Variants in GPC5 observed in about 807,000 individuals in gnomAD.
The protein encoded by GPC5 is glypican 5.
A neutral mutation model predicts 53.9 loss-of-function variants in GPC5; 47 were observed. That is an observed-to-expected ratio of 0.87 (90% CI 0.69 to 1.11). The LOEUF (loss-of-function observed/expected upper bound fraction) is 1.11, where lower values mean the gene tolerates loss of function less well. Ranked by LOEUF, GPC5 falls within the 50% of genes most tolerant of loss-of-function variation. The probability of loss-of-function intolerance (pLI) is 0.00; values close to 1 mark genes in which losing one functional copy is unlikely to be tolerated. For synonymous variants in GPC5, 286 were observed against 263.3 expected (o/e 1.09, Z -0.84); for missense variants, 748 against 713.1 (o/e 1.05, Z -0.56).
At chr13:92,639,754 A>T (rs997191772) in intron 7 of GPC5, among the ~76,000 whole-genome samples, 1 of 152,234 alleles carries the variant, frequency 6.6e-6, no homozygotes, top group Admixed American at 6.5e-5. Context: ...AGGATATGGT[A>T]AAATGCAGGA....
At chr13:92,281,133 C>G (rs1036480528) in intron 7 of GPC5, among the ~76,000 whole-genome samples, 4 of 152,142 alleles carry the variant, frequency 2.6e-5, no homozygotes, top group Admixed American at 6.5e-5. Context: ...CCCACGCCCA[C>G]GGAGCCTCGC....
At chr13:92,765,786 C>T (rs1875381815) in intron 7 of GPC5, among the ~76,000 whole-genome samples, 1 of 152,106 alleles carries the variant, frequency 6.6e-6, no homozygotes, top group East Asian at 1.9e-4. Context: ...GGTCAGAAAA[C>T]CTTTTAAGGG....
chr13:92,175,873 A>G (rs1413388852), intron 7 of GPC5, among the ~76,000 whole-genome samples: 2 of 152,116 alleles, frequency 1.3e-5, no homozygotes, highest in South Asian at 4.1e-4. Context: ...ATTTAATAGT[A>G]GTTTTCAAAC....
intron 7 of GPC5, among the ~76,000 whole-genome samples, chr13:92,342,360 T>G (rs558518067): frequency 6.6e-6 from 1 of 152,274 alleles, no homozygotes; most frequent in Admixed American, 6.5e-5. Flanking sequence ...TGCTACGGTC[T>G]AAATGTTTGT....
Position 91,398,650 on chromosome 13 carries a change from GGGCGGCGGAGGCGGCGGCGGCGGC to G in GPC5, c.-393_-370del. On this transcript the variant is annotated 5_prime_UTR_variant, in exon 1 of 8. Coordinates refer to ENST00000377067, the MANE Select transcript of GPC5 (RefSeq NM_004466.6). ...CAGGTTAGCTGCTGCGAGCCGAGCC[GGGCGGCGGAGGCGGCGGCGGCGGC>G]GGCAGTGGCGGCAGTGGCGGCAGTG... 6.5e-6 allele frequency: 1 copy of G among 153,752 alleles called. No individual in the cohort carries two copies. The highest frequency in any genetic ancestry group is 1.3e-5 in the Non-Finnish European group (1 of 78,766). 9.5% of individuals were successfully genotyped at this position (153,752 alleles called of 1,614,324 possible). A position where few individuals can be genotyped will look rare whatever the true frequency, so the allele number is the denominator to read the frequency against.
intron 7 of GPC5, among the ~76,000 whole-genome samples, chr13:92,719,678 T>A (rs1403970397): frequency 6.6e-6 from 1 of 152,146 alleles, no homozygotes; most frequent in East Asian, 1.9e-4. Context: ...AAGTCACTCA[T>A]CTTTTTCATT....
At chr13:92,782,084 G>A (rs1594503455) in intron 7 of GPC5, among the ~76,000 whole-genome samples, 1 of 148,960 alleles carries the variant, frequency 6.7e-6, no homozygotes, top group Non-Finnish European at 1.5e-5. Context: ...GGGAAGGGGA[G>A]GGAGAAAGGA....
At chr13:91,414,078 C>A (rs1039696313) in intron 1 of GPC5, among the ~76,000 whole-genome samples, 1 of 152,156 alleles carries the variant, frequency 6.6e-6, no homozygotes, top group Non-Finnish European at 1.5e-5. Context: ...GGTCTAGTTT[C>A]CCCTACTGCC....
intron 5 of GPC5, among the ~76,000 whole-genome samples, chr13:91,877,392 G>A (rs2039215565): frequency 2.0e-5 from 3 of 152,232 alleles, no homozygotes; most frequent in Non-Finnish European, 4.4e-5. Flanking sequence ...CAGGGGCAGA[G>A]CTGCCCAAGA....
At chr13:92,739,345 G>A (rs1889025641) in intron 7 of GPC5, among the ~76,000 whole-genome samples, 1 of 151,998 alleles carries the variant, frequency 6.6e-6, no homozygotes, top group African/African-American at 2.4e-5. Flanking sequence ...TTGACCTAAA[G>A]CCATGAAGAG....
At chr13:92,449,918 C>T (rs74107277) in intron 7 of GPC5, among the ~76,000 whole-genome samples, 4,197 of 152,042 alleles carry the variant, frequency 0.028, 194 homozygotes, top group African/African-American at 0.096. Flanking sequence ...TTAAAAAGCA[C>T]GGCCCCAAAG....
At chr13:92,425,839 T>A (rs190556838) in intron 7 of GPC5, among the ~76,000 whole-genome samples, 38 of 152,258 alleles carry the variant, frequency 2.5e-4, no homozygotes, top group Non-Finnish European at 4.9e-4. Flanking sequence ...TTATATGTTA[T>A]CTTCATTTTA....
chr13:92,587,573 C>G (rs1883578979), intron 7 of GPC5, among the ~76,000 whole-genome samples: 1 of 146,088 alleles, frequency 6.8e-6, no homozygotes, highest in South Asian at 2.1e-4. Context: ...TATGGTACTC[C>G]TGCAGAAGAA....
intron 6 of GPC5, among the ~76,000 whole-genome samples, chr13:91,917,713 A>C (rs9589370): frequency 0.059 from 8,987 of 152,294 alleles, 340 homozygotes; most frequent in African/African-American, 0.1. Flanking sequence ...TCTTTGATAA[A>C]GCATAGAAAG....
rs376399975 is a variant in GPC5, at chr13:92,013,280, C to T, written c.1401+105223C>T. ...TTTATTTAGCAATGGAAATGGCTCTCAGCAGAGAGGGGAGCTGGAGAGGGG... is the reference window on the plus strand; with the variant it reads ...TTTATTTAGCAATGGAAATGGCTCTTAGCAGAGAGGGGAGCTGGAGAGGGG... On this transcript the variant is annotated intron_variant, in intron 6 of 7. Coordinates refer to ENST00000377067, the MANE Select transcript of GPC5 (RefSeq NM_004466.6). Among the ~76,000 whole-genome samples the T allele has an allele frequency of 1.1e-4, 16 of 152,308 alleles. No individual in the cohort carries two copies. In the East Asian group the frequency reaches 2.1e-3, roughly 20 times the overall value.
chr13:92,520,456 G>T (rs1441802064), intron 7 of GPC5, among the ~76,000 whole-genome samples: 1 of 152,024 alleles, frequency 6.6e-6, no homozygotes, highest in African/African-American at 2.4e-5. Flanking sequence ...TTCATCCCTG[G>T]GATGCAAGCT....
At chr13:91,989,805 G>T (rs1457906731) in intron 6 of GPC5, among the ~76,000 whole-genome samples, 1 of 151,268 alleles carries the variant, frequency 6.6e-6, no homozygotes, top group Non-Finnish European at 1.5e-5. Context: ...AAATATTATT[G>T]GTGTACTTTA....
chr13:91,764,646 C>T (rs2037485578), intron 5 of GPC5, among the ~76,000 whole-genome samples: 1 of 152,192 alleles, frequency 6.6e-6, no homozygotes, highest in Non-Finnish European at 1.5e-5. Flanking sequence ...TTTTTCCCCT[C>T]GTCCAGTTAG....
At chr13:92,628,989 A>G (rs1885148819) in intron 7 of GPC5, among the ~76,000 whole-genome samples, 1 of 152,166 alleles carries the variant, frequency 6.6e-6, no homozygotes, top group Non-Finnish European at 1.5e-5. Flanking sequence ...TCCTCCCATT[A>G]TAAACCAAAG....
Sources: gnomAD v4.1 joint callset for allele counts (sites outside exome capture counted in the v4.1 genomes callset) on GRCh38, gnomAD v4.1.1 for gene constraint, MANE v1.5 for transcripts, NCBI Gene and HGNC (gene_info 2026-07-23, HGNC 2026-07-21) for gene names.